The following PDE1C variants were observed in gnomAD, a reference collection of about 807,000 sequenced individuals.
PDE1C encodes dual specificity calcium/calmodulin-dependent 3',5'-cyclic nucleotide phosphodiesterase 1C.
In PDE1C, 62 loss-of-function variants were observed where a neutral mutation model predicts 93.1. The ratio of observed to expected loss-of-function variants is 0.67; its 90% CI spans 0.54 to 0.82. The LOEUF (loss-of-function observed/expected upper bound fraction) is 0.82. Among genes scored for constraint, PDE1C ranks in the 40% least tolerant of loss-of-function variants. The pLI, the probability that PDE1C is intolerant of heterozygous loss-of-function variation, is 0.00. For missense variants in PDE1C, 742 were observed against 884.6 expected (o/e 0.84, Z 2.04); for synonymous variants, 325 against 310.1 (o/e 1.05, Z -0.50).
rs557323910 is a variant in PDE1C, at chr7:31,808,235, G to A, written c.1891+796C>T. 239 of 460,630 alleles carry A rather than the reference G, an allele frequency of 5.2e-4. 8 individuals are homozygous for A. Among genetic ancestry groups the A allele is most frequent in the South Asian group, 3.7e-3 (237 of 63,598 alleles). The allele number at this position is 460,630 out of a possible 1,614,324, so 28.5% of individuals were successfully genotyped here. ...TTTAGCATCAAATATGATGTCTCCA[G>A]GGAGGTATGATTTAGAGAGTCTGGG... On this transcript the variant is annotated intron_variant, in intron 16 of 17. Coordinates refer to ENST00000396191, the MANE Select transcript of PDE1C (RefSeq NM_001191057.4).
Position 31,884,300 on chromosome 7 carries a change from A to G in PDE1C, c.129-3440T>C, listed in dbSNP as rs151138230. Among the ~76,000 whole-genome samples the G allele has an allele frequency of 3.8e-4, 58 of 152,290 alleles. 1 individual carries two copies. In the East Asian group the frequency reaches 9.5e-3, roughly 25 times the overall value. ...GGATTCACTTTTGAAAAAAAAAATC[A>G]CTAATGGAAACAGAAGTGAATTTTA... On this transcript the variant is annotated intron_variant, in intron 2 of 17. Coordinates refer to ENST00000396191, the MANE Select transcript of PDE1C (RefSeq NM_001191057.4).
intron 1 of PDE1C, among the ~76,000 whole-genome samples, chr7:32,305,961 C>T (rs545547206): frequency 2.0e-5 from 3 of 152,286 alleles, no homozygotes; most frequent in South Asian, 2.1e-4. Context: ...ATGATTCCCA[C>T]GTGTTGTGGA....
intron 2 of PDE1C, among the ~76,000 whole-genome samples, chr7:32,179,943 T>C (rs1438473510): frequency 6.6e-6 from 1 of 152,168 alleles, no homozygotes; most frequent in Non-Finnish European, 1.5e-5. Context: ...CTTCAACGGT[T>C]CTCAAAATAT....
chr7:31,690,051 C>T, the PDE1C span, among the ~76,000 whole-genome samples: 3 of 152,192 alleles, frequency 2.0e-5, no homozygotes, highest in Non-Finnish European at 2.9e-5. Flanking sequence ...GTCCAGGGGC[C>T]TCTGACATGT....
chr7:31,903,248 C>T (rs945151070), intron 2 of PDE1C, among the ~76,000 whole-genome samples: 1 of 151,822 alleles, frequency 6.6e-6, no homozygotes, highest in African/African-American at 2.4e-5. Flanking sequence ...TGGGATACTA[C>T]ATAATATTGT....
intron 1 of PDE1C, among the ~76,000 whole-genome samples, chr7:32,389,627 C>T (rs1784715090): frequency 1.3e-5 from 2 of 152,210 alleles, no homozygotes; most frequent in African/African-American, 4.8e-5. Flanking sequence ...TACTCACAGA[C>T]CTGGGACCTG....
chr7:31,763,501 A>G (rs1275953907), intron 17 of PDE1C, among the ~76,000 whole-genome samples: 1 of 152,198 alleles, frequency 6.6e-6, no homozygotes, highest in Non-Finnish European at 1.5e-5. Flanking sequence ...GAGCTAAGCT[A>G]TTACTAGCTG....
At chr7:32,234,935 C>A (rs537032337) in intron 1 of PDE1C, among the ~76,000 whole-genome samples, 1 of 152,058 alleles carries the variant, frequency 6.6e-6, no homozygotes, top group South Asian at 2.1e-4. Context: ...GCTTGGAATG[C>A]AAGGATGGTT....
At chr7:31,983,651 G>A (rs1398574330) in intron 2 of PDE1C, among the ~76,000 whole-genome samples, 4 of 152,048 alleles carry the variant, frequency 2.6e-5, no homozygotes, top group Admixed American at 2.6e-4. Flanking sequence ...AAATCACCAT[G>A]GTTTACAGGG....
At chr7:32,124,675 C>T (rs781742630) in intron 3 of PDE1C, among the ~76,000 whole-genome samples, 19 of 151,992 alleles carry the variant, frequency 1.3e-4, no homozygotes, top group Non-Finnish European at 2.1e-4. Flanking sequence ...TAGCCATATG[C>T]AGGAAACTGA....
At chr7:32,043,639 T>C (rs557762193) in intron 2 of PDE1C, among the ~76,000 whole-genome samples, 1 of 152,306 alleles carries the variant, frequency 6.6e-6, no homozygotes, top group Admixed American at 6.5e-5. Flanking sequence ...CCAGGATTAA[T>C]GGCTTGAGTA....
chr7:32,020,406 T>A lies in PDE1C; in HGVS notation c.128+31148A>T, dbSNP rs563309143. On this transcript the variant is annotated intron_variant, in intron 2 of 17. Coordinates refer to ENST00000396191, the MANE Select transcript of PDE1C (RefSeq NM_001191057.4). The stretch of plus-strand genomic sequence containing the variant: ...TCTCCTTTTTGGTGAGAAAAAAAAA[T>A]TTTTTTAAGGGAAATTAATTTTATA... Among the ~76,000 whole-genome samples, 172 of 151,714 alleles carry A rather than the reference T, an allele frequency of 1.1e-3. 1 individual carries two copies. In the South Asian group the frequency reaches 0.015, roughly 13 times the overall value.
chr7:32,411,335 G>T (rs1785165408), intron 1 of PDE1C, among the ~76,000 whole-genome samples: 1 of 152,180 alleles, frequency 6.6e-6, no homozygotes, highest in Non-Finnish European at 1.5e-5. Context: ...CACAAACCTA[G>T]ACAGTATAGC....
At chr7:32,333,459 C>T (rs1190354874) in intron 1 of PDE1C, among the ~76,000 whole-genome samples, 1 of 152,108 alleles carries the variant, frequency 6.6e-6, no homozygotes, top group East Asian at 1.9e-4. Flanking sequence ...CATAATCATC[C>T]ACAAAATAAG....
intron 2 of PDE1C, among the ~76,000 whole-genome samples, chr7:31,937,961 G>C (rs1805315304): frequency 6.6e-6 from 1 of 152,082 alleles, no homozygotes; most frequent in Non-Finnish European, 1.5e-5. Flanking sequence ...AACAATGCAA[G>C]ATAAATAGAG....
intron 1 of PDE1C, among the ~76,000 whole-genome samples, chr7:32,310,027 A>G (rs532554830): frequency 5.3e-4 from 80 of 152,320 alleles, no homozygotes; most frequent in Non-Finnish European, 1.0e-3. Context: ...AGAGACACAC[A>G]TAGGCTCAAA....
At chr7:31,921,144 C>G (rs1324143965) in intron 2 of PDE1C, among the ~76,000 whole-genome samples, 1 of 152,202 alleles carries the variant, frequency 6.6e-6, no homozygotes, top group African/African-American at 2.4e-5. Flanking sequence ...TAGGATGGCA[C>G]AGGCTAGAAA....
intron 2 of PDE1C, among the ~76,000 whole-genome samples, chr7:31,895,607 T>TCTCTCTCA (rs1461881985): frequency 1.7e-4 from 25 of 150,676 alleles, no homozygotes; most frequent in Non-Finnish European, 3.0e-4. Context: ...TCTCTCTCTC[T>TCTCTCTCA]CACTCTGTCT....
chr7:31,959,844 AG>A (rs1056514827), intron 2 of PDE1C, among the ~76,000 whole-genome samples: 20 of 152,216 alleles, frequency 1.3e-4, no homozygotes, highest in African/African-American at 4.6e-4. Context: ...AGAATGCACT[AG>A]AAACAATGTA....
Sources: gnomAD v4.1 joint callset for allele counts (sites outside exome capture counted in the v4.1 genomes callset) on GRCh38, gnomAD v4.1.1 for gene constraint, MANE v1.5 for transcripts, NCBI Gene and HGNC (gene_info 2026-07-23, HGNC 2026-07-21) for gene names.